Variants in CRHBP observed in about 807,000 individuals in gnomAD.
The protein encoded by CRHBP is corticotropin-releasing hormone-binding protein.
Under a neutral mutation model 34.9 loss-of-function variants are expected in CRHBP, and 19 were observed. The observed-to-expected ratio is 0.55, with a 90% CI of 0.38 to 0.80. The LOEUF (loss-of-function observed/expected upper bound fraction) is 0.80, where lower values mean the gene tolerates loss of function less well. Ranked by LOEUF, CRHBP falls within the 30% of genes least tolerant of loss-of-function variation. The pLI, the probability that CRHBP is intolerant of heterozygous loss-of-function variation, is 0.00. For synonymous variants in CRHBP, 154 were observed against 153.4 expected (o/e 1.00, Z -0.03); for missense variants, 328 against 409.2 (o/e 0.80, Z 1.71).
chr5:76,963,550 G>C, intron 6 of CRHBP, 90 bp downstream of exon 6: 15 of 1,178,752 alleles, frequency 1.3e-5, no homozygotes, highest in Non-Finnish European at 1.7e-5. Flanking sequence ...TGGAAGGTGA[G>C]TTTCGCCAAA....
chr5:76,967,736 T>C (rs1227157843), intron 6 of CRHBP, among the ~76,000 whole-genome samples: 1 of 151,878 alleles, frequency 6.6e-6, no homozygotes, highest in Non-Finnish European at 1.5e-5. Flanking sequence ...TCTCACTTTG[T>C]TGCCCAGGCT....
intron 3 of CRHBP, among the ~76,000 whole-genome samples, chr5:76,954,509 C>CTG (rs10635035): frequency 0.35 from 53,379 of 151,984 alleles, 9,666 homozygotes; most frequent in Middle Eastern, 0.56. Flanking sequence ...GCGCGGAACT[C>CTG]TGACGCAATC....
Position 76,968,819 on chromosome 5 carries a change from G to A in CRHBP, c.903G>A (p.Leu301=), listed in dbSNP as rs746566970. The change falls in exon 7 of 7, where the codon CTG becomes CTA. Residue 301 remains leucine, a synonymous_variant. Coordinates refer to ENST00000274368, the MANE Select transcript of CRHBP (RefSeq NM_001882.4). Reference sequence around the variant, plus strand: ...GTGTGACTTTTGAGTATCGTCAGCTGGAGCCGTACGAGCTGGAAAACCCAA... The same window carrying A: ...GTGTGACTTTTGAGTATCGTCAGCTAGAGCCGTACGAGCTGGAAAACCCAA... The part of the protein sequence containing the change: ...VNRVTFEYRQ[L]EPYELENPNG... The A allele has an allele frequency of 1.9e-6, 3 of 1,614,048 alleles. No homozygotes were observed. Among genetic ancestry groups the A allele is most frequent in the African/African-American group, 2.7e-5 (2 of 74,946 alleles).
rs752583332 is a variant in CRHBP, at chr5:76,954,047, G to C, written c.194G>C (p.Ser65Thr). 4 of 1,613,666 alleles carry C rather than the reference G, an allele frequency of 2.5e-6. No homozygotes were observed. Among genetic ancestry groups the C allele is most frequent in the Non-Finnish European group, 3.4e-6 (4 of 1,179,842 alleles). ...CCCCCAGGGTGCCTGGACATGCTGA[G>C]CCTCCAGGGCCAGTTCACCTTCACC... ...RRALRCLDMLSLQGQFTFTAD... is the reference protein window; with the variant it reads ...RRALRCLDMLTLQGQFTFTAD... Residue 65 changes from serine to threonine, a missense_variant, in exon 3 of 7, where the codon AGC becomes ACC. By Grantham distance (58) the Ser-to-Thr change is moderately conservative. This residue lies in a region of CRHBP where 173 missense variants were observed against 172.2 expected (regional missense o/e 1.00). Coordinates refer to ENST00000274368, the MANE Select transcript of CRHBP (RefSeq NM_001882.4).
intron 1 of CRHBP, 89 bp from the exon 2 acceptor site, chr5:76,953,512 C>T (rs762165156): frequency 3.2e-6 from 4 of 1,261,210 alleles, no homozygotes; most frequent in Non-Finnish European, 4.5e-6. Context: ...ATTCGCTATG[C>T]TGAGTGGCAG....
chr5:76,978,291 G>A (rs936514114), intron 3 of CRHBP, among the ~76,000 whole-genome samples: 33 of 152,162 alleles, frequency 2.2e-4, no homozygotes, highest in African/African-American at 6.0e-4. Flanking sequence ...GACTTTTATC[G>A]CTAAAGAGAA....
downstream of CRHBP, among the ~76,000 whole-genome samples, chr5:76,971,781 A>C (rs531985565): frequency 9.9e-4 from 150 of 152,130 alleles, 2 homozygotes; most frequent in Non-Finnish European, 3.5e-4. Context: ...AATTGTCTGG[A>C]CTATCTGCCC....
intron 4 of CRHBP, 22 bp downstream of exon 4, chr5:76,955,885 G>A (rs375791885): frequency 8.8e-5 from 142 of 1,607,296 alleles, no homozygotes; most frequent in Non-Finnish European, 1.2e-4. Context: ...CAGTCAAAAG[G>A]CAGAACTTCG....
At chr5:76,964,487 T>C (rs993714056) in intron 6 of CRHBP, among the ~76,000 whole-genome samples, 5 of 152,298 alleles carry the variant, frequency 3.3e-5, no homozygotes, top group South Asian at 2.1e-4. Flanking sequence ...ATCTCCAAAA[T>C]AGAATTAACA....
downstream of CRHBP, among the ~76,000 whole-genome samples, chr5:76,970,018 C>T (rs1745924254): frequency 7.3e-6 from 1 of 137,128 alleles, no homozygotes; most frequent in Non-Finnish European, 1.5e-5. Context: ...TGTAATCTCA[C>T]CTCACTGCAG....
At chr5:76,970,273 C>T (rs1745926770), downstream of CRHBP, among the ~76,000 whole-genome samples, 4 of 152,196 alleles carry the variant, frequency 2.6e-5, no homozygotes, top group South Asian at 8.3e-4. Flanking sequence ...GAACTCTTTA[C>T]TTTGGATTAG....
downstream of CRHBP, among the ~76,000 whole-genome samples, chr5:76,973,433 T>C (rs1409153620): frequency 6.6e-6 from 1 of 152,180 alleles, no homozygotes; most frequent in Non-Finnish European, 1.5e-5. Context: ...AATATCTCTA[T>C]ACATACAAAA....
chr5:76,961,105 G>A (rs1745769845), intron 5 of CRHBP, among the ~76,000 whole-genome samples: 2 of 152,190 alleles, frequency 1.3e-5, no homozygotes, highest in South Asian at 4.1e-4. Flanking sequence ...CTAGGCAAAA[G>A]ATAGTAGTGG....
chr5:76,963,870 A>ATG (rs375648007), intron 6 of CRHBP, among the ~76,000 whole-genome samples: 132 of 152,278 alleles, frequency 8.7e-4, no homozygotes, highest in African/African-American at 3.0e-3. Flanking sequence ...ATGTGTATGT[A>ATG]TGTGTGTGTG....
intron 6 of CRHBP, among the ~76,000 whole-genome samples, chr5:76,968,356 G>A (rs1214574627): frequency 6.6e-6 from 1 of 152,024 alleles, no homozygotes; most frequent in Non-Finnish European, 1.5e-5. Context: ...TGTTTCCACT[G>A]CAATCCCTGA....
At position 76,975,508 on chromosome 5, in the gene CRHBP, A is replaced by G. The variant is rs531668586; in HGVS notation, n.312-857A>G. On this transcript the variant is annotated intron_variant and non_coding_transcript_variant, in intron 2 of 3. Transcript: ENST00000514258. ...GGGGAGGGTAGTGAGTGCAATTAAGAGTATTAGGTCCTGGCCAGGCATGGT... is the reference window on the plus strand; with the variant it reads ...GGGGAGGGTAGTGAGTGCAATTAAGGGTATTAGGTCCTGGCCAGGCATGGT... Among the ~76,000 whole-genome samples the G allele has an allele frequency of 7.6e-4, 116 of 151,918 alleles. 1 individual carries two copies. The highest frequency in any genetic ancestry group is 1.1e-3 in the Non-Finnish European group (75 of 67,980).
intron 3 of CRHBP, among the ~76,000 whole-genome samples, chr5:76,978,467 G>C (rs1202033840): frequency 2.0e-5 from 3 of 152,188 alleles, no homozygotes; most frequent in Non-Finnish European, 4.4e-5. Context: ...AACAAAGCCT[G>C]GATGATAGCA....
rs1745805302 is a variant in CRHBP, at chr5:76,963,132, A to C, written c.694-211A>C. The C allele has an allele frequency of 1.9e-5, 10 of 519,520 alleles. No homozygotes were observed. In the South Asian group the frequency reaches 2.2e-4, roughly 12 times the overall value. 32.2% of individuals were successfully genotyped at this position (519,520 alleles called of 1,614,324 possible). A position where few individuals can be genotyped will look rare whatever the true frequency, so the allele number is the denominator to read the frequency against. On this transcript the variant is annotated intron_variant, in intron 5 of 6. Coordinates refer to ENST00000274368, the MANE Select transcript of CRHBP (RefSeq NM_001882.4). ...AACATGTACACACATTTCTAAAAAA[A>C]ATGATTACTCAACTGATTTAGAAAA...
chr5:76,979,394 A>G (rs866256576), intron 3 of CRHBP, among the ~76,000 whole-genome samples: 3 of 152,248 alleles, frequency 2.0e-5, no homozygotes, highest in African/African-American at 7.2e-5. Flanking sequence ...CTTTGTCTCC[A>G]GGCTGGAGTG....
Sources: gnomAD v4.1 joint callset for allele counts (sites outside exome capture counted in the v4.1 genomes callset) on GRCh38, gnomAD v4.1.1 for gene constraint, gnomAD v4.1.1 regional missense constraint, MANE v1.5 for transcripts, NCBI Gene and HGNC (gene_info 2026-07-23, HGNC 2026-07-21) for gene names.